EYS: variants seen among roughly 807,000 people sequenced by gnomAD.
The protein encoded by EYS is protein eyes shut homolog.
A neutral mutation model predicts 282.1 loss-of-function variants in EYS; 250 were observed. The observed-to-expected ratio is 0.89, with a 90% CI of 0.80 to 0.98. The LOEUF (loss-of-function observed/expected upper bound fraction) is 0.98. EYS is among the 50% of genes least tolerant of loss of function. The probability of loss-of-function intolerance (pLI) is 0.00; values close to 1 mark genes in which losing one functional copy is unlikely to be tolerated. For missense variants in EYS, 4,016 were observed against 3,709.0 expected, an observed-to-expected ratio of 1.08 and a Z score of -2.15; for synonymous variants, 1,355 against 1,282.9, an observed-to-expected ratio of 1.06 and a Z score of -1.20.
Position 64,493,852 on chromosome 6 carries a change from G to A in EYS, c.5645-54500C>T, listed in dbSNP as rs544666601. Reference sequence around the variant, plus strand: ...TTTCTCCTCAATTAAGAACTGCCAAGAGGTACTGGGATGAAAGTAGATTTT... The same window carrying A: ...TTTCTCCTCAATTAAGAACTGCCAAAAGGTACTGGGATGAAAGTAGATTTT... On this transcript the variant is annotated intron_variant, in intron 26 of 42. Transcript: ENST00000503581. Among the ~76,000 whole-genome samples, 3 of 151,494 alleles carry A rather than the reference G, an allele frequency of 2.0e-5. No individual in the cohort carries two copies. The East Asian group carries it at 5.8e-4, about 30-fold the overall frequency.
chr6:65,593,875 T>C (rs1765315049), intron 2 of EYS, among the ~76,000 whole-genome samples: 1 of 151,902 alleles, frequency 6.6e-6, no homozygotes, highest in African/African-American at 2.4e-5. Context: ...ATGTACCAGG[T>C]ATTGTTCCAA....
At chr6:65,037,544 T>C in intron 13 of EYS, among the ~76,000 whole-genome samples, 1 of 151,564 alleles carries the variant, frequency 6.6e-6, no homozygotes, top group East Asian at 1.9e-4. Context: ...TCCGTATGAT[T>C]TTCTTAGTGT....
At chr6:63,972,336 G>C (rs1443303134) in intron 35 of EYS, among the ~76,000 whole-genome samples, 1 of 152,084 alleles carries the variant, frequency 6.6e-6, no homozygotes, top group African/African-American at 2.4e-5. Context: ...TTCCAGTCTA[G>C]TTTAATTCCC....
intron 11 of EYS, among the ~76,000 whole-genome samples, chr6:65,319,469 C>G (rs1022555456): frequency 6.6e-6 from 1 of 151,898 alleles, no homozygotes. Flanking sequence ...TGAAAGTCTT[C>G]AGTTTTCCAT....
At chr6:63,931,066 G>T (rs990899622) in intron 35 of EYS, among the ~76,000 whole-genome samples, 8 of 152,218 alleles carry the variant, frequency 5.3e-5, no homozygotes, top group Admixed American at 2.6e-4. Flanking sequence ...TCATTCACTT[G>T]GGACAACAGG....
chr6:63,799,756 A>G (rs895403915), intron 37 of EYS, among the ~76,000 whole-genome samples: 3 of 152,258 alleles, frequency 2.0e-5, no homozygotes, highest in Non-Finnish European at 4.4e-5. Flanking sequence ...GTATTTAATT[A>G]GATACCAAAT....
intron 30 of EYS, among the ~76,000 whole-genome samples, chr6:64,302,625 CAAAT>C (rs1298661747): frequency 2.0e-5 from 3 of 152,100 alleles, no homozygotes; most frequent in East Asian, 1.9e-4. Flanking sequence ...ATAAGCATCT[CAAAT>C]AACCCCCAAG....
intron 14 of EYS, among the ~76,000 whole-genome samples, chr6:64,972,955 GTGAT>G (rs1770347326): frequency 6.6e-6 from 1 of 151,946 alleles, no homozygotes; most frequent in African/African-American, 2.4e-5. Flanking sequence ...AAATTAATAA[GTGAT>G]TGAGAAGAAT....
chr6:64,134,541 A>AT (rs749860828), intron 31 of EYS, among the ~76,000 whole-genome samples: 10 of 152,106 alleles, frequency 6.6e-5, no homozygotes, highest in Non-Finnish European at 1.2e-4. Context: ...TTGACGATGG[A>AT]TTAGAGGGCA....
intron 22 of EYS, among the ~76,000 whole-genome samples, chr6:64,751,261 C>T (rs545537032): frequency 9.1e-4 from 138 of 152,302 alleles, no homozygotes; most frequent in African/African-American, 3.2e-3. Flanking sequence ...ACCCCTCCCA[C>T]GCAGAGGAGT....
intron 30 of EYS, among the ~76,000 whole-genome samples, chr6:64,278,740 TTCTC>T (rs1490383309): frequency 6.9e-6 from 1 of 143,908 alleles, no homozygotes; most frequent in East Asian, 2.0e-4. Context: ...CTCTCTCTCT[TTCTC>T]TCTTTCTCTC....
chr6:64,455,672 T>G (rs1174416715), intron 26 of EYS, among the ~76,000 whole-genome samples: 1 of 152,150 alleles, frequency 6.6e-6, no homozygotes, highest in Non-Finnish European at 1.5e-5. Context: ...TTCTCATTTT[T>G]CAAATCCCAC....
At chr6:65,004,867 A>C (rs572344163) in intron 13 of EYS, among the ~76,000 whole-genome samples, 2 of 147,986 alleles carry the variant, frequency 1.4e-5, no homozygotes, top group Admixed American at 1.3e-4. Flanking sequence ...CATCTAACAA[A>C]GTACCAGCAG....
chr6:64,548,712 A>C (rs1180411605), intron 26 of EYS, among the ~76,000 whole-genome samples: 1 of 152,158 alleles, frequency 6.6e-6, no homozygotes, highest in African/African-American at 2.4e-5. Flanking sequence ...TAGCATTAGG[A>C]GATATACCTA....
chr6:64,365,100 G>C (rs79504670), intron 29 of EYS, among the ~76,000 whole-genome samples: 1 of 151,418 alleles, frequency 6.6e-6, no homozygotes, highest in Non-Finnish European at 1.5e-5. Context: ...AATGATCAAA[G>C]AAAGAAATAA....
intron 32 of EYS, among the ~76,000 whole-genome samples, chr6:64,069,762 C>A (rs187039581): frequency 1.3e-5 from 2 of 152,148 alleles, no homozygotes; most frequent in African/African-American, 4.8e-5. Context: ...CACTTAAAAT[C>A]CAGTGAGAAC....
At chr6:64,605,018 T>A (rs992935604) in intron 24 of EYS, among the ~76,000 whole-genome samples, 1 of 151,950 alleles carries the variant, frequency 6.6e-6, no homozygotes, top group African/African-American at 2.4e-5. Context: ...ATTCCTCAGT[T>A]CAAAAAGTCA....
chr6:63,926,190 A>G (rs936681733), intron 35 of EYS, among the ~76,000 whole-genome samples: 1 of 152,218 alleles, frequency 6.6e-6, no homozygotes, highest in Admixed American at 6.5e-5. Context: ...GTTTAGTTCA[A>G]TTCTGTGGAA....
intron 13 of EYS, among the ~76,000 whole-genome samples, chr6:65,041,104 G>A (rs114300833): frequency 4.0e-5 from 6 of 151,760 alleles, no homozygotes; most frequent in African/African-American, 1.4e-4. Flanking sequence ...AATTTAAGAC[G>A]AGTTATCTGC....
Sources: allele counts gnomAD v4.1 joint callset (sites outside exome capture counted in the v4.1 genomes callset), GRCh38; gene constraint gnomAD v4.1.1; transcripts MANE v1.5; gene names NCBI Gene and HGNC (gene_info 2026-07-23, HGNC 2026-07-21).